NKAIN2: variants seen among roughly 807,000 people sequenced by gnomAD.
The protein encoded by NKAIN2 is sodium/potassium transporting ATPase interacting 2.
A neutral mutation model predicts 32.6 loss-of-function variants in NKAIN2; 14 were observed. That is an observed-to-expected ratio of 0.43 (90% CI 0.28 to 0.67). The LOEUF (loss-of-function observed/expected upper bound fraction) is 0.67. Ranked by LOEUF, NKAIN2 falls within the 30% of genes least tolerant of loss-of-function variation. NKAIN2 has a pLI of 0.17. For missense variants in NKAIN2, 198 were observed against 258.3 expected (o/e 0.77, Z 1.60); for synonymous variants, 80 against 87.2 (o/e 0.92, Z 0.46).
At chr6:124,102,631 C>T (rs922426116) in intron 1 of NKAIN2, among the ~76,000 whole-genome samples, 4 of 152,244 alleles carry the variant, frequency 2.6e-5, no homozygotes, top group African/African-American at 9.6e-5. Flanking sequence ...GTATGTGGCT[C>T]TGTGCACAGG....
At chr6:124,549,961 C>T (rs892326698) in intron 3 of NKAIN2, among the ~76,000 whole-genome samples, 4 of 152,088 alleles carry the variant, frequency 2.6e-5, no homozygotes, top group African/African-American at 9.7e-5. Context: ...TAGTTACTAA[C>T]CGTTTTGGAG....
chr6:124,012,165 C>T (rs9320973), intron 1 of NKAIN2, among the ~76,000 whole-genome samples: 1 of 151,674 alleles, frequency 6.6e-6, no homozygotes, highest in African/African-American at 2.4e-5. Flanking sequence ...AAATACCCAT[C>T]ACCCCCAAAT....
chr6:123,869,658 G>C (rs1029964944), intron 1 of NKAIN2, among the ~76,000 whole-genome samples: 1 of 152,146 alleles, frequency 6.6e-6, no homozygotes, highest in Non-Finnish European at 1.5e-5. Flanking sequence ...AGTGCTTTCT[G>C]CTGGTAGGGC....
intron 3 of NKAIN2, among the ~76,000 whole-genome samples, chr6:124,496,006 A>G (rs1189169181): frequency 7.9e-5 from 12 of 152,292 alleles, no homozygotes; most frequent in Non-Finnish European, 1.2e-4. Flanking sequence ...TCTGCATGAA[A>G]ACAAATTAAG....
chr6:124,771,655 A>T (rs1778761618), intron 4 of NKAIN2, among the ~76,000 whole-genome samples: 1 of 152,230 alleles, frequency 6.6e-6, no homozygotes, highest in East Asian at 1.9e-4. Context: ...AGATTAAATA[A>T]ATGGCAGAAT....
At chr6:123,855,265 T>G (rs1407710894) in intron 1 of NKAIN2, among the ~76,000 whole-genome samples, 1 of 152,180 alleles carries the variant, frequency 6.6e-6, no homozygotes, top group African/African-American at 2.4e-5. Flanking sequence ...TTATTATCCT[T>G]CTGTTGCAAT....
At chr6:124,125,947 A>G (rs1786142845) in intron 1 of NKAIN2, among the ~76,000 whole-genome samples, 1 of 152,056 alleles carries the variant, frequency 6.6e-6, no homozygotes. Context: ...GAGTTCTTGA[A>G]GTGTTTCGCT....
intron 1 of NKAIN2, among the ~76,000 whole-genome samples, chr6:123,932,406 C>CTTTTT (rs57063550): frequency 6.7e-5 from 7 of 104,386 alleles, no homozygotes; most frequent in Middle Eastern, 4.7e-3. Flanking sequence ...TTCTGTCTTT[C>CTTTTT]TTTTTTTTTT....
chr6:123,856,742 C>G (rs1310195235), intron 1 of NKAIN2, among the ~76,000 whole-genome samples: 2 of 152,276 alleles, frequency 1.3e-5, no homozygotes, highest in Non-Finnish European at 2.9e-5. Context: ...CCACCACAGC[C>G]CTACAGAATT....
intron 3 of NKAIN2, among the ~76,000 whole-genome samples, chr6:124,371,561 A>G (rs1459931090): frequency 1.3e-5 from 2 of 151,720 alleles, no homozygotes; most frequent in African/African-American, 4.8e-5. Flanking sequence ...GGGCATGGTG[A>G]CGTGTGCCTG....
intron 2 of NKAIN2, among the ~76,000 whole-genome samples, chr6:124,326,861 A>T (rs1408545935): frequency 6.6e-6 from 1 of 152,106 alleles, no homozygotes; most frequent in Non-Finnish European, 1.5e-5. Context: ...AGCAGTGTTC[A>T]TCTTTCCCCA....
chr6:124,623,344 G>A (rs1317951737), intron 3 of NKAIN2, among the ~76,000 whole-genome samples: 1 of 152,096 alleles, frequency 6.6e-6, no homozygotes, highest in African/African-American at 2.4e-5. Flanking sequence ...GTAAAGAAAA[G>A]GAATACTAAA....
chr6:124,425,319 C>G lies in NKAIN2; in HGVS notation c.273+69972C>G, dbSNP rs186266957. ...CTTATGATATACACAATAATCAATTCGAAATGGGTTAAAGACTTAAATATA... is the reference window on the plus strand; with the variant it reads ...CTTATGATATACACAATAATCAATTGGAAATGGGTTAAAGACTTAAATATA... On this transcript the variant is annotated intron_variant, in intron 3 of 6. Transcript: ENST00000368417. Among the ~76,000 whole-genome samples, 52 of 152,046 alleles carry G rather than the reference C, an allele frequency of 3.4e-4. No individual in the cohort carries two copies. The Middle Eastern group carries it at 0.014, about 40-fold the overall frequency.
At chr6:123,936,337 A>G (rs1216814120) in intron 1 of NKAIN2, among the ~76,000 whole-genome samples, 2 of 152,176 alleles carry the variant, frequency 1.3e-5, no homozygotes, top group Non-Finnish European at 2.9e-5. Flanking sequence ...TTCTGCATAA[A>G]CTAGAAGTAA....
intron 3 of NKAIN2, among the ~76,000 whole-genome samples, chr6:124,592,500 A>G (rs1297596862): frequency 6.6e-6 from 1 of 152,212 alleles, no homozygotes; most frequent in Non-Finnish European, 1.5e-5. Flanking sequence ...TTGATTCCTA[A>G]CACTTCACTG....
chr6:124,687,253 CT>C (rs1773950197), intron 4 of NKAIN2, among the ~76,000 whole-genome samples: 8 of 134,812 alleles, frequency 5.9e-5, no homozygotes, highest in African/African-American at 2.2e-4. Context: ...TATATATTAC[CT>C]ATATATATTC....
At chr6:124,384,183 G>C (rs559710262) in intron 3 of NKAIN2, among the ~76,000 whole-genome samples, 5 of 152,246 alleles carry the variant, frequency 3.3e-5, no homozygotes, top group Admixed American at 2.6e-4. Context: ...CCCAGACCTG[G>C]AAAGTAAGAT....
At chr6:124,764,696 T>C (rs1024916002) in intron 4 of NKAIN2, among the ~76,000 whole-genome samples, 1 of 152,200 alleles carries the variant, frequency 6.6e-6, no homozygotes, top group African/African-American at 2.4e-5. Context: ...GTATTTATCA[T>C]ATTTCTTTGA....
chr6:123,917,680 CTG>C (rs1476980660), intron 1 of NKAIN2, among the ~76,000 whole-genome samples: 4 of 152,082 alleles, frequency 2.6e-5, no homozygotes, highest in African/African-American at 7.2e-5. Context: ...TACTGTCACT[CTG>C]TTCATCAAAG....
Sources: gnomAD v4.1 joint callset for allele counts (sites outside exome capture counted in the v4.1 genomes callset) on GRCh38, gnomAD v4.1.1 for gene constraint, MANE v1.5 for transcripts, NCBI Gene and HGNC (gene_info 2026-07-23, HGNC 2026-07-21) for gene names.